The following EML5 variants were observed in gnomAD, a reference collection of about 807,000 sequenced individuals.
The protein encoded by EML5 is echinoderm microtubule-associated protein-like 5.
EML5 carries 120 observed loss-of-function variants against 250.0 expected under a neutral mutation model. The observed-to-expected ratio is 0.48, with a 90% CI of 0.41 to 0.56. The LOEUF (loss-of-function observed/expected upper bound fraction) is 0.56, where lower values mean the gene tolerates loss of function less well. EML5 is among the 20% of genes least tolerant of loss of function. The pLI, the probability that EML5 is intolerant of heterozygous loss-of-function variation, is 0.00. For synonymous variants in EML5, 771 were observed against 806.5 expected (o/e 0.96, Z 0.75); for missense variants, 2,006 against 2,437.6 (o/e 0.82, Z 3.73).
intron 2 of EML5, among the ~76,000 whole-genome samples, chr14:88,749,043 T>C (rs1595765186): frequency 6.7e-6 from 1 of 150,256 alleles, no homozygotes; most frequent in African/African-American, 2.4e-5. Flanking sequence ...GTTTCCTAAA[T>C]TGATGAAACC....
intron 32 of EML5, among the ~76,000 whole-genome samples, chr14:88,636,862 C>T (rs185811154): frequency 9.2e-5 from 14 of 152,060 alleles, no homozygotes; most frequent in Non-Finnish European, 7.4e-5. Context: ...CCCAGGGAAA[C>T]GTTTACTTCA....
At chr14:88,790,676 G>C (rs2094597085) in intron 1 of EML5, among the ~76,000 whole-genome samples, 1 of 152,146 alleles carries the variant, frequency 6.6e-6, no homozygotes, top group African/African-American at 2.4e-5. Flanking sequence ...ATCTGGAGCA[G>C]GGCTTCAGTT....
In EML5 at chr14:88,746,225, C is replaced by T. The variant is rs2094002700; in HGVS notation, c.416G>A (p.Arg139Lys). The part of the protein sequence containing the change: ...KNAVCVWDWK[R>K]GKMLSMAPGH... ...AGGAGCCATAGACAACATTTTTCCCCTTTTCCAGTCCCAAACACAAACTGC... is the reference window on the plus strand; with the variant it reads ...AGGAGCCATAGACAACATTTTTCCCTTTTTCCAGTCCCAAACACAAACTGC... Residue 139 changes from arginine to lysine, a missense_variant, in exon 3 of 44, where the codon AGG becomes AAG. Arg to Lys is a conservative substitution (Grantham distance 26, BLOSUM62 2). This residue lies in a region of EML5 where 162 missense variants were observed against 212.2 expected (regional missense o/e 0.76). Coordinates refer to ENST00000554922, the MANE Select transcript of EML5 (RefSeq NM_183387.3). 1 of 1,613,208 alleles carries T rather than the reference C, an allele frequency of 6.2e-7. No homozygotes were observed. The highest frequency in any genetic ancestry group is 1.3e-5 in the African/African-American group (1 of 74,862).
chr14:88,645,166 C>T (rs1386328327), intron 29 of EML5, among the ~76,000 whole-genome samples: 1 of 151,956 alleles, frequency 6.6e-6, no homozygotes, highest in Non-Finnish European at 1.5e-5. Context: ...ACTGGAACAA[C>T]AAGCGTGCAC....
At chr14:88,782,175 G>C (rs2094503916) in intron 1 of EML5, among the ~76,000 whole-genome samples, 1 of 152,192 alleles carries the variant, frequency 6.6e-6, no homozygotes, top group Admixed American at 6.5e-5. Flanking sequence ...ATGGAGAAGA[G>C]AAACTTGTTG....
chr14:88,710,122 T>C (rs2093380075), intron 10 of EML5, among the ~76,000 whole-genome samples: 1 of 152,060 alleles, frequency 6.6e-6, no homozygotes, highest in Admixed American at 6.6e-5. Flanking sequence ...TGCTGCTGCC[T>C]AGGAAGAGTC....
intron 26 of EML5, among the ~76,000 whole-genome samples, chr14:88,657,833 T>C (rs1453830674): frequency 6.6e-6 from 1 of 152,174 alleles, no homozygotes; most frequent in Non-Finnish European, 1.5e-5. Context: ...TTATGGAGGC[T>C]GTGTTTAATT....
intron 29 of EML5, 37 bp downstream of exon 29, chr14:88,646,910 A>G: frequency 3.8e-6 from 6 of 1,583,138 alleles, no homozygotes; most frequent in Non-Finnish European, 5.1e-6. Flanking sequence ...CAAAAATACA[A>G]AGTTAGGCTT....
intron 8 of EML5, among the ~76,000 whole-genome samples, chr14:88,717,358 T>C (rs1010624603): frequency 6.6e-6 from 1 of 152,120 alleles, no homozygotes; most frequent in African/African-American, 2.4e-5. Flanking sequence ...TGAGGGAGAA[T>C]CATGAAGTGG....
intron 1 of EML5, among the ~76,000 whole-genome samples, chr14:88,763,196 C>CA (rs1333514627): frequency 6.6e-6 from 1 of 151,760 alleles, no homozygotes; most frequent in African/African-American, 2.4e-5. Flanking sequence ...AAAACCCTTT[C>CA]AAAAAATCAA....
At chr14:88,627,177 T>C (rs2090040963) in intron 34 of EML5, 131 bp from the exon 35 acceptor site, 1 of 752,088 alleles carries the variant, frequency 1.3e-6, no homozygotes, top group Non-Finnish European at 2.2e-6. Context: ...CCTGCTCTAC[T>C]ACCTAGCAAT....
intron 27 of EML5, among the ~76,000 whole-genome samples, chr14:88,651,727 T>C (rs1239232700): frequency 1.3e-5 from 2 of 151,768 alleles, no homozygotes; most frequent in Non-Finnish European, 2.9e-5. Context: ...TATATTTTCA[T>C]ATTTATCTGT....
Position 88,717,700 on chromosome 14 carries a change from A to C in EML5, c.1188-2505T>G, listed in dbSNP as rs530926725. On this transcript the variant is annotated intron_variant, in intron 8 of 43. Coordinates refer to ENST00000554922, the MANE Select transcript of EML5 (RefSeq NM_183387.3). ...AACTCGGGAGGCAGAGGTTGCAGTG[A>C]GCTGAGATCCTGCCACTGCACTCCA... is the stretch of plus-strand genomic sequence containing the variant. Among the ~76,000 whole-genome samples the C allele has an allele frequency of 5.9e-4, 90 of 152,320 alleles. 1 individual carries two copies. The East Asian group carries it at 0.015, about 26-fold the overall frequency.
At chr14:88,742,113 T>G (rs767222606) in intron 4 of EML5, among the ~76,000 whole-genome samples, 1 of 152,186 alleles carries the variant, frequency 6.6e-6, no homozygotes, top group Non-Finnish European at 1.5e-5. Flanking sequence ...GGACTCCCAA[T>G]TGAGATGAAC....
chr14:88,707,218 AT>A (rs2093332433), intron 10 of EML5, among the ~76,000 whole-genome samples: 1 of 152,102 alleles, frequency 6.6e-6, no homozygotes, highest in Non-Finnish European at 1.5e-5. Context: ...TAAAGGAATC[AT>A]TTAACTTTGT....
intron 33 of EML5, among the ~76,000 whole-genome samples, chr14:88,633,813 G>A (rs1452768037): frequency 6.6e-6 from 1 of 152,070 alleles, no homozygotes; most frequent in East Asian, 1.9e-4. Flanking sequence ...GTCTCACTAT[G>A]TTGCCCAGGC....
chr14:88,791,062 C>T (rs528993527), intron 1 of EML5, among the ~76,000 whole-genome samples: 99 of 151,998 alleles, frequency 6.5e-4, no homozygotes, highest in Middle Eastern at 3.4e-3. Context: ...CACCTCATTC[C>T]TTACTCTGCA....
intron 2 of EML5, among the ~76,000 whole-genome samples, chr14:88,754,087 C>G (rs1455709507): frequency 6.6e-6 from 1 of 152,020 alleles, no homozygotes; most frequent in Non-Finnish European, 1.5e-5. Flanking sequence ...GATCATGTCA[C>G]TGCACTCCAG....
chr14:88,742,609 ATAAT>A (rs1396454618), intron 4 of EML5, among the ~76,000 whole-genome samples: 2 of 152,178 alleles, frequency 1.3e-5, no homozygotes, highest in African/African-American at 4.8e-5. Context: ...CTCCTTATTC[ATAAT>A]TAATTTGCCA....
Sources: gnomAD v4.1 joint callset for allele counts (sites outside exome capture counted in the v4.1 genomes callset) on GRCh38, gnomAD v4.1.1 for gene constraint, gnomAD v4.1.1 regional missense constraint, MANE v1.5 for transcripts, NCBI Gene and HGNC (gene_info 2026-07-23, HGNC 2026-07-21) for gene names.